OR2L13: variants seen among roughly 807,000 people sequenced by gnomAD.
The protein encoded by OR2L13 is olfactory receptor 2L13.
OR2L13 carries 14 observed loss-of-function variants against 15.3 expected under a neutral mutation model. The observed-to-expected ratio is 0.91, with a 90% CI of 0.60 to 1.43. The LOEUF is 1.43. Among genes scored for constraint, OR2L13 ranks in the 40% most tolerant of loss-of-function variants. The pLI, the probability that OR2L13 is intolerant of heterozygous loss-of-function variation, is 0.00. For synonymous variants in OR2L13, 152 were observed against 142.9 expected (o/e 1.06, Z -0.45); for missense variants, 367 against 387.9 (o/e 0.95, Z 0.45).
the OR2L13 span, among the ~76,000 whole-genome samples, chr1:248,044,377 G>A: frequency 6.6e-6 from 1 of 152,190 alleles, no homozygotes; most frequent in Non-Finnish European, 1.5e-5. Flanking sequence ...GTTGCTCAAA[G>A]TTAACTTGTC....
the OR2L13 span, among the ~76,000 whole-genome samples, chr1:247,958,592 T>C: frequency 8.5e-5 from 13 of 152,158 alleles, no homozygotes; most frequent in Non-Finnish European, 1.8e-4. Flanking sequence ...TCTTTGTAGG[T>C]CTCTACGGAC....
At chr1:247,996,241 A>G in the OR2L13 span, among the ~76,000 whole-genome samples, 6 of 152,218 alleles carry the variant, frequency 3.9e-5, no homozygotes, top group African/African-American at 1.4e-4. Context: ...CATAGGTGGA[A>G]TGACAGGCCT....
At chr1:248,066,961 C>T in the OR2L13 span, among the ~76,000 whole-genome samples, 8 of 152,286 alleles carry the variant, frequency 5.3e-5, no homozygotes, top group African/African-American at 1.9e-4. Context: ...AGTAAATGAT[C>T]ACAAGCATCT....
upstream of OR2L13, among the ~76,000 whole-genome samples, chr1:248,090,726 G>A (rs1664576772): frequency 6.6e-6 from 1 of 152,194 alleles, no homozygotes. Flanking sequence ...TCGCTATTGT[G>A]AATAGTGCTG....
chr1:248,018,798 T>C, the OR2L13 span, among the ~76,000 whole-genome samples: 1 of 152,194 alleles, frequency 6.6e-6, no homozygotes, highest in South Asian at 2.1e-4. Flanking sequence ...ACACAATTAT[T>C]CTCCTTGTCT....
the OR2L13 span, among the ~76,000 whole-genome samples, chr1:247,972,887 G>A: frequency 4.6e-5 from 7 of 152,112 alleles, no homozygotes; most frequent in Non-Finnish European, 4.4e-5. Context: ...ATAAAATACT[G>A]GAAAGCTGAA....
the OR2L13 span, among the ~76,000 whole-genome samples, chr1:247,953,369 G>T: frequency 2.6e-5 from 4 of 152,084 alleles, no homozygotes; most frequent in Non-Finnish European, 5.9e-5. Flanking sequence ...ATATCATGCG[G>T]TATCTATGTA....
chr1:248,051,677 C>G, the OR2L13 span, among the ~76,000 whole-genome samples: 1 of 152,118 alleles, frequency 6.6e-6, no homozygotes, highest in African/African-American at 2.4e-5. Context: ...GCCCAAACCT[C>G]AGCATCATGC....
At chr1:248,100,746 C>T (rs1664842599) in exon 3 of OR2L13, 1 of 168,206 alleles carries the variant, frequency 5.9e-6, no homozygotes, top group African/African-American at 2.4e-5. Context: ...TTTCAAGTGC[C>T]CAGTAGTCAG....
the OR2L13 span, among the ~76,000 whole-genome samples, chr1:248,076,289 C>T: frequency 1.3e-5 from 2 of 152,150 alleles, no homozygotes; most frequent in African/African-American, 4.8e-5. Context: ...GTGATGCCTC[C>T]AGCTTTGTTC....
exon 3 of OR2L13, chr1:248,100,399 A>T: frequency 1.6e-6 from 1 of 630,050 alleles, no homozygotes; most frequent in Non-Finnish European, 2.6e-6. Context: ...TAGAAATACA[A>T]CATAATTTAA....
the OR2L13 span, among the ~76,000 whole-genome samples, chr1:248,081,244 A>G: frequency 3.3e-5 from 5 of 152,074 alleles, no homozygotes; most frequent in Admixed American, 6.6e-5. Context: ...AATTATTTAA[A>G]ATTTTTATTT....
the OR2L13 span, among the ~76,000 whole-genome samples, chr1:248,077,094 G>A: frequency 6.6e-6 from 1 of 152,078 alleles, no homozygotes; most frequent in East Asian, 1.9e-4. Context: ...CATCTATTGA[G>A]ATAATCATGT....
At chr1:248,089,527 C>T in the OR2L13 span, among the ~76,000 whole-genome samples, 3 of 152,188 alleles carry the variant, frequency 2.0e-5, no homozygotes, top group East Asian at 1.9e-4. Flanking sequence ...TAAGTTCCTT[C>T]GGGGAAATTC....
chr1:248,011,330 G>C, the OR2L13 span, among the ~76,000 whole-genome samples: 5 of 152,076 alleles, frequency 3.3e-5, no homozygotes, highest in African/African-American at 9.7e-5. Flanking sequence ...TGTTAATTTT[G>C]ATGGTCTTCC....
the OR2L13 span, among the ~76,000 whole-genome samples, chr1:248,075,482 G>T: frequency 6.6e-6 from 1 of 152,090 alleles, no homozygotes; most frequent in Admixed American, 6.6e-5. Context: ...ATGTAAAAGC[G>T]TTCCTATTTC....
At chr1:247,987,717 C>G in the OR2L13 span, among the ~76,000 whole-genome samples, 1 of 152,042 alleles carries the variant, frequency 6.6e-6, no homozygotes, top group East Asian at 1.9e-4. Flanking sequence ...ATTTAAGTAT[C>G]TCAAATACCA....
At chr1:248,014,910 C>A in the OR2L13 span, among the ~76,000 whole-genome samples, 6 of 152,142 alleles carry the variant, frequency 3.9e-5, no homozygotes, top group Non-Finnish European at 7.4e-5. Flanking sequence ...CATGAACTTA[C>A]ACAGTGAAGC....
the OR2L13 span, chr1:248,039,308 A>T: frequency 9.2e-7 from 1 of 1,088,440 alleles, no homozygotes; most frequent in Admixed American, 2.4e-5. Context: ...GTCAAACAGA[A>T]GTTAATCTAG....
Sources: allele counts gnomAD v4.1 joint callset (sites outside exome capture counted in the v4.1 genomes callset), GRCh38; gene constraint gnomAD v4.1.1; transcripts MANE v1.5; gene names NCBI Gene and HGNC (gene_info 2026-07-23, HGNC 2026-07-21).